The following USP34 variants were observed in gnomAD, a reference collection of about 807,000 sequenced individuals.
The protein encoded by USP34 is ubiquitin carboxyl-terminal hydrolase 34.
In USP34, 70 loss-of-function variants were observed where a neutral mutation model predicts 460.3. That is an observed-to-expected ratio of 0.15 (90% CI 0.13 to 0.19). The LOEUF is 0.19. Among genes scored for constraint, USP34 ranks in the 10% least tolerant of loss-of-function variants. The pLI, the probability that USP34 is intolerant of heterozygous loss-of-function variation, is 1.00. For synonymous variants in USP34, 1,647 were observed against 1,405.3 expected (o/e 1.17, Z -3.85); for missense variants, 3,985 against 4,236.2 (o/e 0.94, Z 1.65).
At chr2:61,396,404 G>A (rs996394234) in intron 3 of USP34, among the ~76,000 whole-genome samples, 8 of 151,926 alleles carry the variant, frequency 5.3e-5, no homozygotes, top group South Asian at 2.1e-4. Context: ...GAAAATATAC[G>A]CATAACGATG....
intron 58 of USP34, among the ~76,000 whole-genome samples, chr2:61,230,341 C>G (rs372844084): frequency 5.9e-5 from 9 of 152,094 alleles, no homozygotes; most frequent in African/African-American, 2.2e-4. Context: ...GCCTAGCCAA[C>G]ATGGCAAAAC....
intron 7 of USP34, among the ~76,000 whole-genome samples, chr2:61,379,035 A>G (rs1384646021): frequency 6.6e-6 from 1 of 152,060 alleles, no homozygotes; most frequent in Non-Finnish European, 1.5e-5. Flanking sequence ...AATTTAACGC[A>G]AGAGAGCAAG....
intron 5 of USP34, among the ~76,000 whole-genome samples, chr2:61,385,357 A>C (rs1693104406): frequency 6.6e-6 from 1 of 152,112 alleles, no homozygotes; most frequent in Non-Finnish European, 1.5e-5. Context: ...CAAAGCACAA[A>C]GGTCCAAGAA....
chr2:61,266,312 C>T (rs569808323), intron 41 of USP34, 145 bp from the exon 42 acceptor site: 21 of 750,266 alleles, frequency 2.8e-5, no homozygotes, highest in Admixed American at 8.9e-5. Flanking sequence ...GAAAGTCCTC[C>T]GTGTTCATTT....
intron 15 of USP34, among the ~76,000 whole-genome samples, chr2:61,346,713 T>C (rs1047393836): frequency 2.1e-5 from 3 of 145,178 alleles, no homozygotes; most frequent in African/African-American, 7.7e-5. Context: ...GCACCTGTAG[T>C]CCCAGCTGCT....
intron 1 of USP34, among the ~76,000 whole-genome samples, chr2:61,458,453 C>G (rs958511117): frequency 2.0e-5 from 3 of 149,438 alleles, no homozygotes; most frequent in East Asian, 4.0e-4. Context: ...CCCAGCTACT[C>G]GGGAGGCTGA....
chr2:61,259,744 A>G lies in USP34; in HGVS notation c.5811T>C (p.Leu1937=), dbSNP rs187669459. 4.3e-6 allele frequency: 7 copies of G among 1,613,376 alleles called. No individual in the cohort carries two copies. Among genetic ancestry groups the G allele is most frequent in the African/African-American group, 1.3e-5 (1 of 74,898 alleles). The part of the protein sequence containing the change: ...YSEDMKHKTT[L]LELQKMFTYL... ...ATGTAAACATTTTCTGAAGCTCCAG[A>G]AGAGTGGTCTTGTGCTTCATATCCT... Residue 1937 remains leucine, a synonymous_variant, in exon 44 of 80, where the codon CTT becomes CTC. Transcript: ENST00000398571.
In USP34 at chr2:61,256,379, C is replaced by T. The variant is rs1366861665; in HGVS notation, c.6221+5G>A. The T allele has an allele frequency of 1.2e-6, 2 of 1,604,322 alleles. No individual in the cohort carries two copies. The highest frequency in any genetic ancestry group is 2.7e-5 in the African/African-American group (2 of 74,656). On this transcript the variant is annotated splice_donor_5th_base_variant and intron_variant, in intron 48 of 79. Coordinates refer to ENST00000398571, the MANE Select transcript of USP34 (RefSeq NM_014709.4). ...ATAATAAAAATCACATTTGAAAAAG[C>T]ATACCTTTTTTCAGCTCGTACTTTC...
At chr2:61,380,614 T>C (rs1692940993) in intron 6 of USP34, among the ~76,000 whole-genome samples, 1 of 152,166 alleles carries the variant, frequency 6.6e-6, no homozygotes, top group Admixed American at 6.5e-5. Context: ...CATCATTATA[T>C]GTACAAGAAT....
intron 25 of USP34, among the ~76,000 whole-genome samples, chr2:61,314,157 G>A (rs1690675108): frequency 6.6e-6 from 1 of 151,126 alleles, no homozygotes; most frequent in Admixed American, 6.6e-5. Flanking sequence ...CTGTCTCCTA[G>A]TCCAGGAAGA....
intron 10 of USP34, among the ~76,000 whole-genome samples, chr2:61,358,146 T>G (rs1473460355): frequency 1.3e-5 from 2 of 151,704 alleles, no homozygotes; most frequent in African/African-American, 2.4e-5. Context: ...GAACCAAGAT[T>G]GCACCACGGC....
At chr2:61,450,100 CA>C (rs35122864) in intron 1 of USP34, among the ~76,000 whole-genome samples, 1 of 150,170 alleles carries the variant, frequency 6.7e-6, no homozygotes, top group Non-Finnish European at 1.5e-5. Flanking sequence ...AAGTCTTAAA[CA>C]AAAAAAAAGG....
At chr2:61,289,029 C>A in intron 33 of USP34, 152 bp from the exon 34 acceptor site, 1 of 733,462 alleles carries the variant, frequency 1.4e-6, no homozygotes, top group Non-Finnish European at 2.2e-6. Flanking sequence ...ATATTATGGT[C>A]AGTACCAATT....
intron 3 of USP34, 101 bp downstream of exon 3, chr2:61,405,607 T>C (rs1334557618): frequency 9.0e-7 from 1 of 1,109,810 alleles, no homozygotes; most frequent in African/African-American, 1.6e-5. Flanking sequence ...CAATAATGAT[T>C]TTCCGCCAGC....
intron 41 of USP34, among the ~76,000 whole-genome samples, chr2:61,275,153 C>T (rs1386625604): frequency 1.3e-5 from 2 of 152,048 alleles, no homozygotes; most frequent in Non-Finnish European, 2.9e-5. Context: ...GTGATGCCTG[C>T]CTGTAGTCCC....
In USP34 at chr2:61,470,705, GCCC is replaced by G; in HGVS notation, c.-16_-14del. ...AGTTCTCGCACATCGTTCGGCCGCC[GCCC>G]CCCCCCTCCCCCGCTTCGGATCACA... On this transcript the variant is annotated 5_prime_UTR_variant, in exon 1 of 80. Coordinates refer to ENST00000398571, the MANE Select transcript of USP34 (RefSeq NM_014709.4). The G allele has an allele frequency of 2.6e-6, 4 of 1,533,952 alleles. No homozygotes were observed. The highest frequency in any genetic ancestry group is 3.6e-6 in the Non-Finnish European group (4 of 1,125,906).
At chr2:61,360,796 C>T (rs781308038) in intron 10 of USP34, among the ~76,000 whole-genome samples, 10 of 152,136 alleles carry the variant, frequency 6.6e-5, no homozygotes, top group African/African-American at 2.4e-4. Flanking sequence ...GCTGGGACTA[C>T]AGGGACGTAC....
intron 1 of USP34, among the ~76,000 whole-genome samples, chr2:61,443,206 G>C (rs1425184776): frequency 6.6e-6 from 1 of 152,114 alleles, no homozygotes; most frequent in Non-Finnish European, 1.5e-5. Context: ...GGAGGAATAA[G>C]TTCCAGTGTT....
chr2:61,456,028 G>T (rs566676473), intron 1 of USP34, among the ~76,000 whole-genome samples: 17 of 152,180 alleles, frequency 1.1e-4, no homozygotes, highest in African/African-American at 3.9e-4. Context: ...TTCCTTAAGA[G>T]AAAATACACA....
Sources: allele counts gnomAD v4.1 joint callset (sites outside exome capture counted in the v4.1 genomes callset), GRCh38; gene constraint gnomAD v4.1.1; transcripts MANE v1.5; gene names NCBI Gene and HGNC (gene_info 2026-07-23, HGNC 2026-07-21).